CR1L: variants seen among roughly 807,000 people sequenced by gnomAD.
The protein encoded by CR1L is complement component receptor 1-like protein.
In CR1L, 59 loss-of-function variants were observed where a neutral mutation model predicts 62.3. The ratio of observed to expected loss-of-function variants is 0.95; its 90% confidence interval spans 0.77 to 1.18. The LOEUF (loss-of-function observed/expected upper bound fraction) is 1.18, where lower values mean the gene tolerates loss of function less well. CR1L is among the 50% of genes most tolerant of loss of function. The pLI, the probability that CR1L is intolerant of heterozygous loss-of-function variation, is 0.00. For synonymous variants in CR1L, 279 were observed against 248.7 expected (o/e 1.12, Z -1.15); for missense variants, 700 against 702.8 (o/e 1.00, Z 0.04).
rs537891478 is a variant in CR1L, at chr1:207,666,923, C to T, written c.98-10466C>T. On this transcript the variant is annotated intron_variant, in intron 1 of 11. Coordinates refer to ENST00000508064, the MANE Select transcript of CR1L (RefSeq NM_175710.2). ...TCAGATCTTCCTTTCATTAATTTTA[C>T]ATGCCCCTCTTCAACAGTCTCATTG... Among the ~76,000 whole-genome samples the T allele has an allele frequency of 3.1e-4, 47 of 152,344 alleles. No homozygotes were observed. The South Asian group carries it at 8.9e-3, about 29-fold the overall frequency.
chr1:207,669,135 A>G, intron 1 of CR1L: 1 of 252,672 alleles, frequency 4.0e-6, no homozygotes, highest in Non-Finnish European at 7.7e-6. Flanking sequence ...CTTTGTCTGG[A>G]AGGAAGCGCA....
chr1:207,652,189 C>G (rs986835388), intron 1 of CR1L, among the ~76,000 whole-genome samples: 1 of 152,156 alleles, frequency 6.6e-6, no homozygotes, highest in Non-Finnish European at 1.5e-5. Context: ...GAGCAGAGTG[C>G]TCTATACTGT....
chr1:207,684,139 T>C (rs1663851958), intron 4 of CR1L, 182 bp downstream of exon 4: 1 of 466,316 alleles, frequency 2.1e-6, no homozygotes, highest in South Asian at 5.3e-5. Context: ...TTCTTTCTTA[T>C]CCTGGGATGT....
At chr1:207,688,430 A>T (rs1483202433) in intron 4 of CR1L, among the ~76,000 whole-genome samples, 2 of 151,738 alleles carry the variant, frequency 1.3e-5, no homozygotes, top group East Asian at 1.9e-4. Flanking sequence ...TTTTTGCCAT[A>T]CTATAATGGC....
At chr1:207,701,495 T>A (rs1340956868) in intron 8 of CR1L, 24 bp from the exon 9 acceptor site, 2 of 1,613,198 alleles carry the variant, frequency 1.2e-6, no homozygotes, top group Non-Finnish European at 1.7e-6. Context: ...TCTACCTGGC[T>A]CCAAAACATT....
At chr1:207,680,345 G>T (rs778627965) in intron 3 of CR1L, among the ~76,000 whole-genome samples, 1 of 152,060 alleles carries the variant, frequency 6.6e-6, no homozygotes, top group African/African-American at 2.4e-5. Flanking sequence ...AAACAGACAC[G>T]CACACAGTCG....
chr1:207,701,702 G>C, intron 9 of CR1L, 84 bp downstream of exon 9: 1 of 1,568,730 alleles, frequency 6.4e-7, no homozygotes, highest in Non-Finnish European at 8.8e-7. Context: ...AGGAAACTAG[G>C]CTGTTGCCAC....
intron 1 of CR1L, among the ~76,000 whole-genome samples, chr1:207,649,816 T>C (rs1323720): frequency 0.39 from 59,236 of 152,000 alleles, 11,720 homozygotes; most frequent in African/African-American, 0.42. Context: ...CCTTGATTAC[T>C]CTGTCATATA....
At chr1:207,650,931 G>A (rs774759697) in intron 1 of CR1L, among the ~76,000 whole-genome samples, 9 of 151,966 alleles carry the variant, frequency 5.9e-5, no homozygotes, top group Non-Finnish European at 7.4e-5. Context: ...GACTACAGGC[G>A]TGTGCCACTA....
At chr1:207,666,617 TG>T (rs1158167161) in intron 1 of CR1L, among the ~76,000 whole-genome samples, 1 of 152,150 alleles carries the variant, frequency 6.6e-6, no homozygotes, top group Non-Finnish European at 1.5e-5. Flanking sequence ...AACCAAATAC[TG>T]CATGTTCTCA....
chr1:207,701,940 G>C (rs1275993162), intron 9 of CR1L, among the ~76,000 whole-genome samples: 3 of 152,202 alleles, frequency 2.0e-5, no homozygotes, highest in African/African-American at 7.2e-5. Context: ...GGAAGGGCAT[G>C]TAGCAGCTGT....
intron 11 of CR1L, 140 bp from the exon 12 acceptor site, chr1:207,723,478 G>C: frequency 1.4e-6 from 1 of 699,748 alleles, no homozygotes. Context: ...GAGTATATGA[G>C]TGAAATCAAT....
At position 207,717,512 on chromosome 1, in the gene CR1L, G is replaced by T; in HGVS notation, c.1463G>T (p.Gly488Val). ...GCTATCCTTAATGGGAGACACACAG[G>T]AACTCCCCTTGGAGATATTCCCTAT... ...PPAILNGRHT[G>V]TPLGDIPYGK... The change falls in exon 11 of 12, where the codon GGA becomes GTA. Residue 488 changes from glycine (G) to valine (V), a missense_variant. Transcript: ENST00000508064. 6.2e-6 allele frequency: 10 copies of T among 1,613,694 alleles called. No homozygotes were observed. Among genetic ancestry groups the T allele is most frequent in the Non-Finnish European group, 8.5e-6 (10 of 1,179,676 alleles).
At chr1:207,668,061 A>G (rs1356797169) in intron 1 of CR1L, among the ~76,000 whole-genome samples, 2 of 151,152 alleles carry the variant, frequency 1.3e-5, no homozygotes, top group Non-Finnish European at 2.9e-5. Flanking sequence ...CCTCTTATAC[A>G]CTGTTAGGGA....
In CR1L at chr1:207,694,666, G is replaced by C; in HGVS notation, c.777G>C (p.Gln259His). 1.2e-6 allele frequency: 2 copies of C among 1,611,874 alleles called. No individual in the cohort carries two copies. Among genetic ancestry groups the C allele is most frequent in the South Asian group, 2.2e-5 (2 of 90,990 alleles). The stretch of plus-strand genomic sequence containing the variant: ...ATGAAGTTGTGGAGTTTAGGTGTCA[G>C]CCTGGCTTTGGCATGAAAGGGCCCT... ...SLNEVVEFRC[Q>H]PGFGMKGPSH... Residue 259 changes from glutamine (Q) to histidine (H), a missense_variant, in exon 5 of 12, where the codon CAG becomes CAC. By Grantham distance (24) the Gln-to-His change is conservative. Coordinates refer to ENST00000508064, the MANE Select transcript of CR1L (RefSeq NM_175710.2).
At chr1:207,716,818 G>T (rs1446895122) in intron 10 of CR1L, among the ~76,000 whole-genome samples, 1 of 152,090 alleles carries the variant, frequency 6.6e-6, no homozygotes, top group Non-Finnish European at 1.5e-5. Flanking sequence ...CAAATTAGAA[G>T]CATCAAGTGC....
In CR1L at chr1:207,678,199, T is replaced by C. The variant is rs371352387; in HGVS notation, c.279T>C (p.Arg93=). Residue 93 remains arginine, a splice_region_variant and synonymous_variant, in exon 3 of 12, where the codon CGT becomes CGC. Coordinates refer to ENST00000508064, the MANE Select transcript of CR1L (RefSeq NM_175710.2). ...VWTSAKDKCK[R]KSCRNPPDPV... ...CAAATTTCTGTTTCTTTCCTGTAGG[T>C]AAATCATGTCGTAATCCTCCAGATC... is the stretch of plus-strand genomic sequence containing the variant. 1.9e-6 allele frequency: 3 copies of C among 1,613,446 alleles called. No individual in the cohort carries two copies. The highest frequency in any genetic ancestry group is 2.5e-6 in the Non-Finnish European group (3 of 1,179,540).
At chr1:207,698,318 G>T (rs886201389) in intron 7 of CR1L, among the ~76,000 whole-genome samples, 2 of 152,144 alleles carry the variant, frequency 1.3e-5, no homozygotes, top group Non-Finnish European at 2.9e-5. Flanking sequence ...CATCAGTAAT[G>T]AAATTTGTAA....
chr1:207,709,198 G>C (rs1664314985), intron 10 of CR1L: 1 of 173,212 alleles, frequency 5.8e-6, no homozygotes, highest in African/African-American at 2.4e-5. Flanking sequence ...GAGCCCAGGA[G>C]GTCGAGACCA....
Sources: gnomAD v4.1 joint callset for allele counts (sites outside exome capture counted in the v4.1 genomes callset) on GRCh38, gnomAD v4.1.1 for gene constraint, MANE v1.5 for transcripts, NCBI Gene and HGNC (gene_info 2026-07-23, HGNC 2026-07-21) for gene names.